METAP2: variants seen among roughly 807,000 people sequenced by gnomAD.
The protein encoded by METAP2 is methionine aminopeptidase 2.
METAP2 carries 25 observed loss-of-function variants against 59.4 expected under a neutral mutation model. That is an observed-to-expected ratio of 0.42 (90% CI 0.31 to 0.59). The LOEUF is 0.59. Ranked by LOEUF, METAP2 falls within the 20% of genes least tolerant of loss-of-function variation. METAP2 has a pLI of 0.16. For missense variants in METAP2, 366 were observed against 581.2 expected, an observed-to-expected ratio of 0.63 and a Z score of 3.81; for synonymous variants, 214 against 194.1, an observed-to-expected ratio of 1.10 and a Z score of -0.85.
In METAP2 at chr12:95,502,547, T is replaced by A. The variant is rs186562487; in HGVS notation, c.868-1518T>A. ...GAAAGTTTGATTATCATTTTGTGTGTGTGTGTGGGGGGGTTTCTTTGAGTT... is the reference window on the plus strand; with the variant it reads ...GAAAGTTTGATTATCATTTTGTGTGAGTGTGTGGGGGGGTTTCTTTGAGTT... On this transcript the variant is annotated intron_variant, in intron 7 of 10. Coordinates refer to ENST00000323666, the MANE Select transcript of METAP2 (RefSeq NM_006838.4). Among the ~76,000 whole-genome samples the A allele has an allele frequency of 9.2e-3, 1,392 of 152,130 alleles. 28 individuals carry two copies. Among genetic ancestry groups the A allele is most frequent in the African/African-American group, 0.032 (1,333 of 41,492 alleles).
In METAP2 at chr12:95,505,396, C is replaced by T. The variant is rs532641121; in HGVS notation, c.964+1235C>T. 4.6e-5 allele frequency among the ~76,000 whole-genome samples: 7 copies of T among 152,254 alleles called. No individual in the cohort carries two copies. In the South Asian group the frequency reaches 6.2e-4, roughly 14 times the overall value. On this transcript the variant is annotated intron_variant, in intron 8 of 10. Transcript: ENST00000323666. Reference sequence around the variant, plus strand: ...AGGCTGGGATGCAATGATGCAATCTCGGCTCACTGCAACCTTTGCCTCCTG... The same window carrying T: ...AGGCTGGGATGCAATGATGCAATCTTGGCTCACTGCAACCTTTGCCTCCTG...
intron 2 of METAP2, among the ~76,000 whole-genome samples, chr12:95,482,477 C>T (rs1319848287): frequency 6.6e-6 from 1 of 152,090 alleles, no homozygotes; most frequent in Non-Finnish European, 1.5e-5. Flanking sequence ...TAAGATTGAA[C>T]ATAAGAAATG....
chr12:95,499,680 A>G (rs2076301250), intron 7 of METAP2, among the ~76,000 whole-genome samples: 1 of 152,004 alleles, frequency 6.6e-6, no homozygotes, highest in Non-Finnish European at 1.5e-5. Flanking sequence ...CTTCTAATTC[A>G]TAGACATGAG....
At chr12:95,496,168 A>T in intron 7 of METAP2, 70 bp downstream of exon 7, 1 of 955,010 alleles carries the variant, frequency 1.0e-6, no homozygotes, top group South Asian at 1.6e-5. Context: ...AACACTTAAC[A>T]GCATTTAAGC....
At chr12:95,512,516 A>C (rs1295851360) in intron 9 of METAP2, among the ~76,000 whole-genome samples, 1 of 152,188 alleles carries the variant, frequency 6.6e-6, no homozygotes, top group Admixed American at 6.5e-5. Flanking sequence ...GTTTGAGACC[A>C]TCCTGGCCAA....
At chr12:95,492,132 T>TGTGTGTGTGTGTGTGTGTGTGTG (rs1555191428) in intron 4 of METAP2, among the ~76,000 whole-genome samples, 1 of 149,312 alleles carries the variant, frequency 6.7e-6, no homozygotes, top group African/African-American at 2.5e-5. Flanking sequence ...ATATGTGTGT[T>TGTGTGTGTGTGTGTGTGTGTGTG]TGTGTGTGTG....
At chr12:95,498,279 G>A (rs1322389434) in intron 7 of METAP2, among the ~76,000 whole-genome samples, 1 of 152,108 alleles carries the variant, frequency 6.6e-6, no homozygotes, top group East Asian at 1.9e-4. Flanking sequence ...CTCTTTGCCT[G>A]CTTTTTAATT....
intron 4 of METAP2, among the ~76,000 whole-genome samples, chr12:95,488,384 C>T (rs981742439): frequency 1.3e-5 from 2 of 151,616 alleles, no homozygotes; most frequent in Non-Finnish European, 2.9e-5. Flanking sequence ...TGGTGCGTGC[C>T]TGTAATCCCA....
intron 7 of METAP2, among the ~76,000 whole-genome samples, chr12:95,501,936 G>A (rs1425849358): frequency 1.3e-5 from 2 of 150,028 alleles, no homozygotes; most frequent in Non-Finnish European, 3.0e-5. Flanking sequence ...TAGTAGTAAT[G>A]AACTCCATCA....
intron 2 of METAP2, 140 bp from the exon 3 acceptor site, chr12:95,483,075 A>G: frequency 2.8e-6 from 2 of 725,224 alleles, no homozygotes; most frequent in Non-Finnish European, 4.8e-6. Flanking sequence ...TATTTCAGTG[A>G]AAGAATAAAT....
rs202012517 is a variant in METAP2 at position 95,513,856 on chromosome 12, G to A, written c.1389G>A (p.Leu463=). 3.8e-5 allele frequency: 61 copies of A among 1,614,032 alleles called. No homozygotes were observed. Among genetic ancestry groups the A allele is most frequent in the Middle Eastern group, 1.6e-4 (1 of 6,084 alleles). ...SYTAQFEHTI[L]LRPTCKEVVS... is the part of the protein sequence containing the mutation. Reference sequence around the variant, plus strand: ...CAGCGCAATTTGAACATACCATCCTGTTGCGTCCAACATGTAAAGAAGTTG... The same window carrying A: ...CAGCGCAATTTGAACATACCATCCTATTGCGTCCAACATGTAAAGAAGTTG... Residue 463 remains leucine (L), a synonymous_variant, in exon 11 of 11, where the codon CTG becomes CTA. Coordinates refer to ENST00000323666, the MANE Select transcript of METAP2 (RefSeq NM_006838.4).
intron 7 of METAP2, among the ~76,000 whole-genome samples, chr12:95,501,885 C>T (rs1178462706): frequency 1.3e-5 from 2 of 150,786 alleles, no homozygotes; most frequent in Non-Finnish European, 2.9e-5. Flanking sequence ...ACATAGTATC[C>T]TTTGCAGGGC....
At chr12:95,499,423 G>A (rs999925242) in intron 7 of METAP2, among the ~76,000 whole-genome samples, 1 of 152,098 alleles carries the variant, frequency 6.6e-6, no homozygotes, top group Non-Finnish European at 1.5e-5. Context: ...TTACAGGCAT[G>A]AACTATTGTG....
At chr12:95,492,937 A>G (rs1020141827) in intron 4 of METAP2, among the ~76,000 whole-genome samples, 2 of 152,234 alleles carry the variant, frequency 1.3e-5, no homozygotes, top group Admixed American at 1.3e-4. Flanking sequence ...TAGACAGTAC[A>G]TAAATGAGTG....
At chr12:95,491,533 CAG>C (rs1219496383) in intron 4 of METAP2, among the ~76,000 whole-genome samples, 2 of 152,250 alleles carry the variant, frequency 1.3e-5, no homozygotes, top group Non-Finnish European at 2.9e-5. Context: ...GTTTTTGAGA[CAG>C]GGCCTCATTC....
chr12:95,499,890 G>A (rs1197016596), intron 7 of METAP2, among the ~76,000 whole-genome samples: 2 of 152,116 alleles, frequency 1.3e-5, no homozygotes, highest in Non-Finnish European at 2.9e-5. Flanking sequence ...CAGGGGAAGT[G>A]CCAGATGTTT....
intron 7 of METAP2, 132 bp downstream of exon 7, chr12:95,496,230 TC>T: frequency 1.8e-6 from 1 of 548,378 alleles, no homozygotes; most frequent in Non-Finnish European, 3.2e-6. Context: ...ATAAAATTGA[TC>T]CATTTCCCTT....
chr12:95,514,084 A>G lies in METAP2; in HGVS notation c.*180A>G. The G allele has an allele frequency of 1.5e-6, 1 of 673,482 alleles. No homozygotes were observed. Among genetic ancestry groups the G allele is most frequent in the Non-Finnish European group, 2.3e-6 (1 of 443,956 alleles). 41.7% of individuals were successfully genotyped at this position (673,482 alleles called of 1,614,324 possible). On this transcript the variant is annotated 3_prime_UTR_variant, in exon 11 of 11. Transcript: ENST00000323666. ...ACCGTCTAATGTAATTAACCAACGAAAAAGCTTTCCGGACTTTTAAATGCT... is the reference window on the plus strand; with the variant it reads ...ACCGTCTAATGTAATTAACCAACGAGAAAGCTTTCCGGACTTTTAAATGCT...
chr12:95,495,894 C>G (rs2076272513), intron 6 of METAP2, 110 bp from the exon 7 acceptor site: 1 of 669,598 alleles, frequency 1.5e-6, no homozygotes, highest in Non-Finnish European at 2.6e-6. Context: ...TTCATTTGAG[C>G]CTTCATTCTA....
Sources: allele counts gnomAD v4.1 joint callset (sites outside exome capture counted in the v4.1 genomes callset), GRCh38; gene constraint gnomAD v4.1.1; transcripts MANE v1.5; gene names NCBI Gene and HGNC (gene_info 2026-07-23, HGNC 2026-07-21).